ST3GAL5: variants seen among roughly 807,000 people sequenced by gnomAD.
ST3GAL5 encodes lactosylceramide alpha-2,3-sialyltransferase.
A neutral mutation model predicts 46.1 loss-of-function variants in ST3GAL5; 25 were observed. That is an observed-to-expected ratio of 0.54 (90% confidence interval 0.40 to 0.76). The LOEUF is 0.76. Ranked by LOEUF, ST3GAL5 falls within the 30% of genes least tolerant of loss-of-function variation. ST3GAL5 has a pLI of 0.00. For synonymous variants in ST3GAL5, 182 were observed against 192.7 expected (o/e 0.94, Z 0.46); for missense variants, 431 against 521.2 (o/e 0.83, Z 1.69).
intron 1 of ST3GAL5, among the ~76,000 whole-genome samples, chr2:85,873,843 C>G (rs1212741108): frequency 6.6e-6 from 1 of 152,224 alleles, no homozygotes; most frequent in Admixed American, 6.5e-5. Context: ...GATTCCCACA[C>G]TTCATCCCCA....
At chr2:85,886,764 C>A (rs974769914) in intron 1 of ST3GAL5, among the ~76,000 whole-genome samples, 5 of 152,182 alleles carry the variant, frequency 3.3e-5, no homozygotes, top group African/African-American at 9.7e-5. Context: ...ATTCACCCCA[C>A]TTTGGATGCC....
chr2:85,844,139 C>T (rs1023216351), intron 6 of ST3GAL5, among the ~76,000 whole-genome samples: 5 of 152,054 alleles, frequency 3.3e-5, no homozygotes, highest in Non-Finnish European at 5.9e-5. Flanking sequence ...AGTAAGAATA[C>T]CTTAAAATAG....
In ST3GAL5 at chr2:85,856,794, T is replaced by A. The variant is rs1189539791; in HGVS notation, c.318+4387A>T. ...TATGTTGCCCAGGCTGGTCTCAAAC[T>A]CCTGGCCTCAAATGATCCTTCCTGC... is the stretch of plus-strand genomic sequence containing the variant. On this transcript the variant is annotated intron_variant, in intron 3 of 6. Coordinates refer to ENST00000638572, the MANE Select transcript of ST3GAL5 (RefSeq NM_003896.4). Among the ~76,000 whole-genome samples, 3 of 151,708 alleles carry A rather than the reference T, an allele frequency of 2.0e-5. No individual in the cohort carries two copies. In the East Asian group the frequency reaches 5.9e-4, roughly 30 times the overall value.
At chr2:85,873,065 G>C (rs1327384297) in intron 1 of ST3GAL5, among the ~76,000 whole-genome samples, 1 of 152,190 alleles carries the variant, frequency 6.6e-6, no homozygotes, top group Non-Finnish European at 1.5e-5. Flanking sequence ...TGGGGCTGGG[G>C]GGTGCAGGCA....
At chr2:85,864,900 G>T (rs759086309) in intron 1 of ST3GAL5, among the ~76,000 whole-genome samples, 41 of 152,180 alleles carry the variant, frequency 2.7e-4, no homozygotes, top group Non-Finnish European at 5.6e-4. Flanking sequence ...GAAGCATCCT[G>T]TGCAATTCTC....
intron 1 of ST3GAL5, chr2:85,880,945 G>A (rs755468983): frequency 1.9e-6 from 1 of 517,272 alleles, no homozygotes; most frequent in Non-Finnish European, 3.9e-6. Flanking sequence ...TGGGGTGTAT[G>A]TGTGATATGG....
intron 3 of ST3GAL5, chr2:85,852,919 T>A: frequency 7.7e-7 from 1 of 1,304,114 alleles, no homozygotes; most frequent in Non-Finnish European, 1.0e-6. Flanking sequence ...GAGAAAAGAC[T>A]CGGTTTGAAG....
At chr2:85,851,747 C>T in intron 3 of ST3GAL5, 1 of 1,287,828 alleles carries the variant, frequency 7.8e-7, no homozygotes, top group African/African-American at 1.5e-5. Context: ...TGTGAGGACT[C>T]CAGAGCTCCC....
rs1432522380 is a variant in ST3GAL5, at chr2:85,844,452, C to T, written c.952G>A (p.Ala318Thr). The T allele has an allele frequency of 6.2e-7, 1 of 1,614,216 alleles. No individual in the cohort carries two copies. Among genetic ancestry groups the T allele is most frequent in the Non-Finnish European group, 8.5e-7 (1 of 1,180,030 alleles). Residue 318 changes from alanine (A) to threonine (T), a missense_variant, in exon 6 of 7, where the codon GCC becomes ACC. Coordinates refer to ENST00000638572, the MANE Select transcript of ST3GAL5 (RefSeq NM_003896.4). Reference protein sequence around the residue: ...ILNPVIIKETAFDILQYSEPQ... With the variant: ...ILNPVIIKETTFDILQYSEPQ... Reference sequence around the variant, plus strand: ...TCTGAGTACTGAAGGATGTCAAAGGCAGTCTCTTTGATGATAACTGGATTC... The same window carrying T: ...TCTGAGTACTGAAGGATGTCAAAGGTAGTCTCTTTGATGATAACTGGATTC...
rs920524622 is a variant in ST3GAL5, at chr2:85,861,166, A to G, written c.318+15T>C. On this transcript the variant is annotated intron_variant, in intron 3 of 6. Transcript: ENST00000638572. ...GCAATGTTTTCATTTAAACCACACC[A>G]ATGGGATATCTAACCTTTACATGGT... The G allele has an allele frequency of 6.7e-7, 1 of 1,495,490 alleles. No individual in the cohort carries two copies. The highest frequency in any genetic ancestry group is 1.4e-5 in the African/African-American group (1 of 72,746). The allele number at this position is 1,495,490 out of a possible 1,614,324, so 92.6% of individuals were successfully genotyped here. A position where few individuals can be genotyped will look rare whatever the true frequency, so the allele number is the denominator to read the frequency against.
Position 85,840,044 on chromosome 2 carries a change from T to G in ST3GAL5, c.*100A>C. The G allele has an allele frequency of 6.4e-7, 1 of 1,561,160 alleles. No homozygotes were observed. Among genetic ancestry groups the G allele is most frequent in the Non-Finnish European group, 8.8e-7 (1 of 1,137,678 alleles). On this transcript the variant is annotated 3_prime_UTR_variant, in exon 7 of 7. Coordinates refer to ENST00000638572, the MANE Select transcript of ST3GAL5 (RefSeq NM_003896.4). The stretch of plus-strand genomic sequence containing the variant: ...TAAATTAAAAGTTAAAAACATGAGC[T>G]GCACTTCAAAGTATCTGCAGGATGG...
chr2:85,885,822 C>CA (rs1263574205), intron 1 of ST3GAL5, among the ~76,000 whole-genome samples: 1,277 of 77,956 alleles, frequency 0.016, 13 homozygotes, highest in Admixed American at 0.023. Flanking sequence ...GACTCTGTCT[C>CA]AAAAAAAAAA....
At chr2:85,874,380 G>A (rs1376331334) in intron 1 of ST3GAL5, among the ~76,000 whole-genome samples, 3 of 152,122 alleles carry the variant, frequency 2.0e-5, no homozygotes, top group Admixed American at 1.3e-4. Flanking sequence ...TGTCAAGAGG[G>A]CAGTTACTCT....
At chr2:85,878,292 T>C (rs1686789154) in intron 1 of ST3GAL5, among the ~76,000 whole-genome samples, 1 of 152,242 alleles carries the variant, frequency 6.6e-6, no homozygotes, top group Non-Finnish European at 1.5e-5. Flanking sequence ...AAAATCACTG[T>C]TATCTTACAA....
Position 85,863,351 on chromosome 2 carries a change from G to T in ST3GAL5, c.206+11C>A. The T allele has an allele frequency of 1.2e-6, 2 of 1,613,980 alleles. No homozygotes were observed. On this transcript the variant is annotated intron_variant, in intron 2 of 6. Transcript: ENST00000638572. ...AGCAGGGGGATCTACAGTCCCAGGG[G>T]CGGTACTTACTTGAGGATGTCTTTT... is the stretch of plus-strand genomic sequence containing the variant.
chr2:85,875,339 G>C (rs1686419589), intron 1 of ST3GAL5: 1 of 149,950 alleles, frequency 6.7e-6, no homozygotes, highest in Non-Finnish European at 1.5e-5. Context: ...GAATTTGCAG[G>C]CGTGAGTTAC....
intron 1 of ST3GAL5, among the ~76,000 whole-genome samples, chr2:85,881,425 G>A (rs1431241304): frequency 1.3e-5 from 2 of 152,160 alleles, no homozygotes; most frequent in African/African-American, 4.8e-5. Context: ...AAAAAGAAAG[G>A]AAAATGTGGG....
At chr2:85,850,523 T>G (rs972080917) in intron 3 of ST3GAL5, 2 of 152,374 alleles carry the variant, frequency 1.3e-5, no homozygotes, top group African/African-American at 4.8e-5. Flanking sequence ...CAGCAGGTGA[T>G]GCTCCGGGTG....
At chr2:85,854,200 G>A (rs943081557) in intron 3 of ST3GAL5, 4 of 151,918 alleles carry the variant, frequency 2.6e-5, no homozygotes, top group Non-Finnish European at 4.4e-5. Context: ...TTTAGAAATC[G>A]CTCAGCACTG....
Sources: gnomAD v4.1 joint callset for allele counts (sites outside exome capture counted in the v4.1 genomes callset) on GRCh38, gnomAD v4.1.1 for gene constraint, MANE v1.5 for transcripts, NCBI Gene and HGNC (gene_info 2026-07-23, HGNC 2026-07-21) for gene names.